XRCC4: variants seen among roughly 807,000 people sequenced by gnomAD.
The protein encoded by XRCC4 is DNA repair protein XRCC4.
In XRCC4, 28 loss-of-function variants were observed where a neutral mutation model predicts 39.1. The observed-to-expected ratio is 0.72, with a 90% CI of 0.53 to 0.98. The LOEUF is 0.98. Ranked by LOEUF, XRCC4 falls within the 50% of genes least tolerant of loss-of-function variation. The pLI, the probability that XRCC4 is intolerant of heterozygous loss-of-function variation, is 0.00. For synonymous variants in XRCC4, 123 were observed against 126.4 expected (o/e 0.97, Z 0.18); for missense variants, 350 against 376.4 (o/e 0.93, Z 0.58).
intron 7 of XRCC4, among the ~76,000 whole-genome samples, chr5:83,315,795 C>A (rs989689864): frequency 6.6e-6 from 1 of 152,158 alleles, no homozygotes; most frequent in Admixed American, 6.6e-5. Flanking sequence ...TGCACCTAGT[C>A]ATCCAAGACC....
Position 83,154,906 on chromosome 5 carries a change from C to T in XRCC4, c.316-40864C>T, listed in dbSNP as rs149963037. 3.2e-3 allele frequency among the ~76,000 whole-genome samples: 494 copies of T among 152,258 alleles called. 2 individuals carry two copies. Among genetic ancestry groups the T allele is most frequent in the African/African-American group, 0.011 (471 of 41,558 alleles). On this transcript the variant is annotated intron_variant, in intron 3 of 7. Transcript: ENST00000396027. The stretch of plus-strand genomic sequence containing the variant: ...CATCCCACTGTCATCTCTTATCATT[C>T]GCAGTCTTATTCTTTTATATCCAAC...
chr5:83,252,662 C>G (rs1753369519), intron 6 of XRCC4, among the ~76,000 whole-genome samples: 1 of 151,920 alleles, frequency 6.6e-6, no homozygotes, highest in East Asian at 1.9e-4. Context: ...ATTTTGTCAT[C>G]TCAGAAATTG....
intron 3 of XRCC4, among the ~76,000 whole-genome samples, chr5:83,156,456 T>A (rs1580304545): frequency 6.6e-6 from 1 of 151,982 alleles, no homozygotes; most frequent in East Asian, 1.9e-4. Flanking sequence ...TAAAATAAAA[T>A]TTTCCTGATT....
chr5:83,350,135 T>A (rs766671874), intron 7 of XRCC4, among the ~76,000 whole-genome samples: 1 of 152,204 alleles, frequency 6.6e-6, no homozygotes, highest in Non-Finnish European at 1.5e-5. Context: ...AGTGTATATG[T>A]AATATATTTT....
chr5:83,115,176 C>T (rs763200965), intron 3 of XRCC4, among the ~76,000 whole-genome samples: 25 of 152,118 alleles, frequency 1.6e-4, no homozygotes, highest in Non-Finnish European at 2.8e-4. Context: ...CGGGTGCCTC[C>T]CAGCACTTTG....
intron 7 of XRCC4, among the ~76,000 whole-genome samples, chr5:83,328,727 A>G (rs947608909): frequency 1.4e-4 from 21 of 152,118 alleles, no homozygotes; most frequent in African/African-American, 5.1e-4. Context: ...GGGAAACTTT[A>G]TCTACCAGAA....
At chr5:83,097,196 A>C (rs1324441845) in intron 1 of XRCC4, among the ~76,000 whole-genome samples, 1 of 152,212 alleles carries the variant, frequency 6.6e-6, no homozygotes, top group Non-Finnish European at 1.5e-5. Flanking sequence ...CCAATTAGGA[A>C]TGAAAGTGCT....
chr5:83,175,391 A>C (rs564635419), intron 3 of XRCC4, among the ~76,000 whole-genome samples: 2,312 of 152,274 alleles, frequency 0.015, 53 homozygotes, highest in African/African-American at 0.052. Flanking sequence ...ATCTGGAAAA[A>C]ATTTTTAAAA....
At chr5:83,114,373 A>G (rs965668054) in intron 3 of XRCC4, among the ~76,000 whole-genome samples, 9 of 152,096 alleles carry the variant, frequency 5.9e-5, no homozygotes, top group Admixed American at 5.2e-4. Flanking sequence ...CAAATTTTCC[A>G]AACTTTTATG....
chr5:83,334,692 A>T (rs967920555), intron 7 of XRCC4, among the ~76,000 whole-genome samples: 2 of 150,212 alleles, frequency 1.3e-5, no homozygotes, highest in Admixed American at 6.7e-5. Context: ...TATATATATA[A>T]GATAGACACT....
intron 6 of XRCC4, among the ~76,000 whole-genome samples, chr5:83,210,519 CAG>C (rs773117021): frequency 3.3e-5 from 5 of 152,058 alleles, no homozygotes; most frequent in East Asian, 1.9e-4. Flanking sequence ...TTTGGTTACA[CAG>C]GGGAAAATAA....
At chr5:83,189,901 TAAAAATTC>T (rs1750618091) in intron 3 of XRCC4, among the ~76,000 whole-genome samples, 1 of 151,984 alleles carries the variant, frequency 6.6e-6, no homozygotes, top group Admixed American at 6.6e-5. Flanking sequence ...CCGTCTCTAC[TAAAAATTC>T]AAAAATTAGT....
At chr5:83,248,969 C>A (rs777409626) in intron 6 of XRCC4, among the ~76,000 whole-genome samples, 1 of 152,022 alleles carries the variant, frequency 6.6e-6, no homozygotes, top group Non-Finnish European at 1.5e-5. Context: ...TACTTTTTGA[C>A]CCAATACTAA....
chr5:83,146,163 T>C (rs1748443720), intron 3 of XRCC4, among the ~76,000 whole-genome samples: 2 of 152,196 alleles, frequency 1.3e-5, no homozygotes, highest in South Asian at 4.1e-4. Flanking sequence ...GTGGAAAACT[T>C]CCAAGGAAAG....
chr5:83,265,824 C>T (rs1006905978), intron 7 of XRCC4, among the ~76,000 whole-genome samples: 2 of 151,728 alleles, frequency 1.3e-5, no homozygotes, highest in Non-Finnish European at 2.9e-5. Flanking sequence ...TAATATGTTT[C>T]ATTGGAGCTT....
rs374549095 is a variant in XRCC4, at chr5:83,338,124, G to C, written c.894-15007G>C. On this transcript the variant is annotated intron_variant, in intron 7 of 7. Coordinates refer to ENST00000396027, the MANE Select transcript of XRCC4 (RefSeq NM_003401.5). ...AAAGAGCAATAGATGGTTAGATCCA[G>C]AATGGTAGTCAAGAAGCTAGAAGTT... 7.0e-4 allele frequency among the ~76,000 whole-genome samples: 107 copies of C among 152,306 alleles called. 2 individuals are homozygous for C. The South Asian group carries it at 0.022, about 32-fold the overall frequency.
chr5:83,215,915 A>G (rs2112771425), intron 6 of XRCC4, among the ~76,000 whole-genome samples: 1 of 152,320 alleles, frequency 6.6e-6, no homozygotes, highest in African/African-American at 2.4e-5. Flanking sequence ...AGAGTTCTCA[A>G]CTATAATATC....
At chr5:83,258,084 T>C (rs1753613570) in intron 6 of XRCC4, among the ~76,000 whole-genome samples, 1 of 152,208 alleles carries the variant, frequency 6.6e-6, no homozygotes, top group South Asian at 2.1e-4. Flanking sequence ...AAATACCTAA[T>C]ATAGATGACA....
At chr5:83,116,032 T>C (rs1341719400) in intron 3 of XRCC4, among the ~76,000 whole-genome samples, 1 of 152,168 alleles carries the variant, frequency 6.6e-6, no homozygotes, top group Non-Finnish European at 1.5e-5. Flanking sequence ...GTATTCAGGA[T>C]GTGCTTCTGC....
Sources: gnomAD v4.1 joint callset for allele counts (sites outside exome capture counted in the v4.1 genomes callset) on GRCh38, gnomAD v4.1.1 for gene constraint, MANE v1.5 for transcripts, NCBI Gene and HGNC (gene_info 2026-07-23, HGNC 2026-07-21) for gene names.